The following KCNQ5 variants were observed in gnomAD, a reference collection of about 807,000 sequenced individuals.
The protein encoded by KCNQ5 is potassium voltage-gated channel subfamily Q member 5, also known as potassium voltage-gated channel subfamily KQT member 5.
A neutral mutation model predicts 98.2 loss-of-function variants in KCNQ5; 30 were observed. That is an observed-to-expected ratio of 0.31 (90% CI 0.23 to 0.41). The LOEUF is 0.41. Among genes scored for constraint, KCNQ5 ranks in the 10% least tolerant of loss-of-function variants. KCNQ5 has a pLI of 1.00. For synonymous variants in KCNQ5, 458 were observed against 449.4 expected, an observed-to-expected ratio of 1.02 and a Z score of -0.24; for missense variants, 835 against 1,182.5, an observed-to-expected ratio of 0.71 and a Z score of 4.31.
chr6:72,940,472 C>T (rs1380649112), intron 1 of KCNQ5, among the ~76,000 whole-genome samples: 2 of 152,120 alleles, frequency 1.3e-5, no homozygotes, highest in Non-Finnish European at 2.9e-5. Context: ...AGGGCTGCAA[C>T]AGTCATGTCC....
intron 2 of KCNQ5, among the ~76,000 whole-genome samples, chr6:73,041,724 A>G (rs1771710415): frequency 6.6e-6 from 1 of 152,206 alleles, no homozygotes; most frequent in African/African-American, 2.4e-5. Flanking sequence ...TTGAAAAGGA[A>G]TAGCATTCCA....
intron 1 of KCNQ5, among the ~76,000 whole-genome samples, chr6:72,642,621 A>G (rs567850315): frequency 4.6e-5 from 7 of 152,164 alleles, no homozygotes; most frequent in Admixed American, 2.0e-4. Flanking sequence ...GATGCTGGCA[A>G]TGTTGTGGAG....
At chr6:73,109,497 CTA>C (rs993991644) in intron 6 of KCNQ5, among the ~76,000 whole-genome samples, 22 of 152,142 alleles carry the variant, frequency 1.4e-4, no homozygotes, top group African/African-American at 5.3e-4. Flanking sequence ...TCTTACATGT[CTA>C]CACTTTATGA....
chr6:73,073,545 G>A (rs1773386118), intron 3 of KCNQ5, among the ~76,000 whole-genome samples: 1 of 152,160 alleles, frequency 6.6e-6, no homozygotes, highest in African/African-American at 2.4e-5. Context: ...TCCCCATTCG[G>A]AATCATTGAT....
intron 7 of KCNQ5, among the ~76,000 whole-genome samples, chr6:73,116,861 T>C (rs1307981703): frequency 6.6e-6 from 1 of 152,194 alleles, no homozygotes; most frequent in Non-Finnish European, 1.5e-5. Context: ...AAATAAGCTC[T>C]GTGTTCATTA....
intron 1 of KCNQ5, among the ~76,000 whole-genome samples, chr6:72,720,231 C>A (rs1220618007): frequency 1.3e-5 from 2 of 152,214 alleles, no homozygotes; most frequent in African/African-American, 2.4e-5. Context: ...GTCCACTTAA[C>A]CTTCTGGCAA....
chr6:73,187,152 C>G (rs1418421463), intron 11 of KCNQ5, among the ~76,000 whole-genome samples: 1 of 151,818 alleles, frequency 6.6e-6, no homozygotes, highest in Admixed American at 6.6e-5. Flanking sequence ...CTCTGCCTCC[C>G]GGGTTCATGC....
At chr6:72,846,224 G>A (rs1445566111) in intron 1 of KCNQ5, among the ~76,000 whole-genome samples, 3 of 152,114 alleles carry the variant, frequency 2.0e-5, no homozygotes, top group Admixed American at 2.0e-4. Flanking sequence ...TATATATATA[G>A]TTTCAGAATA....
intron 1 of KCNQ5, among the ~76,000 whole-genome samples, chr6:72,708,245 CTT>C (rs1239075461): frequency 1.3e-5 from 2 of 151,832 alleles, no homozygotes; most frequent in African/African-American, 4.8e-5. Flanking sequence ...AATTTCATGA[CTT>C]TTATTTTTTT....
At position 72,997,696 on chromosome 6, in the gene KCNQ5, T is replaced by C. The variant is rs555075452; in HGVS notation, c.399-6212T>C. The stretch of plus-strand genomic sequence containing the variant: ...TACTCAGGAGGCTGAGAAAGGAGAA[T>C]GGCGTGAATCCGGAAGGGGGAGCTT... On this transcript the variant is annotated intron_variant, in intron 1 of 13. Coordinates refer to ENST00000370398, the MANE Select transcript of KCNQ5 (RefSeq NM_019842.4). Among the ~76,000 whole-genome samples the C allele has an allele frequency of 1.1e-3, 153 of 137,092 alleles. 3 individuals are homozygous for C. In the Admixed American group the frequency reaches 0.013, roughly 12 times the overall value. 89.9% of individuals were successfully genotyped at this position (137,092 alleles called of 152,430 possible).
At chr6:72,655,029 T>TTTCC (rs202228247) in intron 1 of KCNQ5, among the ~76,000 whole-genome samples, 5,711 of 52,334 alleles carry the variant, frequency 0.11, 323 homozygotes, top group East Asian at 0.22. Context: ...TCTGTCTGTC[T>TTTCC]TTCTTTCTTT....
chr6:72,996,990 A>G (rs1033390380), intron 1 of KCNQ5, among the ~76,000 whole-genome samples: 11 of 152,178 alleles, frequency 7.2e-5, no homozygotes, highest in Admixed American at 7.2e-4. Flanking sequence ...TCTGTGGTCC[A>G]GATCCTGACC....
intron 1 of KCNQ5, among the ~76,000 whole-genome samples, chr6:72,861,886 A>G (rs1777778926): frequency 6.6e-6 from 1 of 151,492 alleles, no homozygotes; most frequent in African/African-American, 2.4e-5. Flanking sequence ...CTTTAAACCA[A>G]CTAGAGTAAG....
intron 3 of KCNQ5, among the ~76,000 whole-genome samples, chr6:73,061,108 C>A (rs1353364329): frequency 6.6e-6 from 1 of 152,006 alleles, no homozygotes; most frequent in African/African-American, 2.4e-5. Context: ...ACAGAAGAAT[C>A]CCAAGATATA....
intron 2 of KCNQ5, among the ~76,000 whole-genome samples, chr6:73,023,324 G>T (rs1219215026): frequency 1.3e-5 from 2 of 152,176 alleles, no homozygotes; most frequent in Admixed American, 6.5e-5. Flanking sequence ...TTTCAGAGGA[G>T]AGATAGGCTG....
rs549371634 is a variant in KCNQ5 at position 73,053,633 on chromosome 6, A to G, written c.616+11571A>G. Among the ~76,000 whole-genome samples the G allele has an allele frequency of 2.0e-5, 3 of 152,338 alleles. No homozygotes were observed. In the East Asian group the frequency reaches 5.8e-4, roughly 29 times the overall value. ...AACAATGAAATTAAGGTAGAAATTC[A>G]GAAATTATTTGAAACTAATTAGAAC... On this transcript the variant is annotated intron_variant, in intron 3 of 13. Coordinates refer to ENST00000370398, the MANE Select transcript of KCNQ5 (RefSeq NM_019842.4).
At chr6:72,922,335 T>C (rs1003918636) in intron 1 of KCNQ5, among the ~76,000 whole-genome samples, 1 of 152,244 alleles carries the variant, frequency 6.6e-6, no homozygotes, top group African/African-American at 2.4e-5. Context: ...GTTTACAACA[T>C]GATTTTTAAT....
chr6:72,959,852 A>C (rs1485690171), intron 1 of KCNQ5, among the ~76,000 whole-genome samples: 3 of 152,252 alleles, frequency 2.0e-5, no homozygotes, highest in Non-Finnish European at 2.9e-5. Context: ...ATCCCAAAGC[A>C]CAGAAGTGTG....
At chr6:72,845,537 A>G (rs1260116276) in intron 1 of KCNQ5, among the ~76,000 whole-genome samples, 2 of 152,204 alleles carry the variant, frequency 1.3e-5, no homozygotes, top group African/African-American at 4.8e-5. Flanking sequence ...TTATATTTTA[A>G]ACACTTTCAG....
Sources: gnomAD v4.1 joint callset for allele counts (sites outside exome capture counted in the v4.1 genomes callset) on GRCh38, gnomAD v4.1.1 for gene constraint, MANE v1.5 for transcripts, NCBI Gene and HGNC (gene_info 2026-07-23, HGNC 2026-07-21) for gene names.